C1orf54: variants seen among roughly 807,000 people sequenced by gnomAD.
C1orf54 encodes the protein uncharacterized protein C1orf54.
A neutral mutation model predicts 14.7 loss-of-function variants in C1orf54; 12 were observed. The observed-to-expected ratio is 0.82, with a 90% confidence interval of 0.52 to 1.32. The LOEUF (loss-of-function observed/expected upper bound fraction) is 1.32. Ranked by LOEUF, C1orf54 falls within the 40% of genes most tolerant of loss-of-function variation. C1orf54 has a pLI of 0.00. For synonymous variants in C1orf54, 65 were observed against 56.3 expected (o/e 1.16, Z -0.70); for missense variants, 163 against 162.2 (o/e 1.00, Z -0.03).
chr1:150,276,262 C>A (rs587772313), intron 3 of C1orf54, among the ~76,000 whole-genome samples: 20 of 152,210 alleles, frequency 1.3e-4, no homozygotes, highest in African/African-American at 4.8e-4. Context: ...GATTTGTTAA[C>A]CTATCTGGGG....
upstream of C1orf54, among the ~76,000 whole-genome samples, chr1:150,272,064 C>T (rs1016415167): frequency 3.9e-5 from 6 of 151,910 alleles, no homozygotes; most frequent in African/African-American, 9.7e-5. Context: ...CACTGGAACC[C>T]GGGAGGCAGA....
intron 1 of C1orf54, among the ~76,000 whole-genome samples, chr1:150,273,435 G>A (rs587593644): frequency 6.2e-4 from 94 of 152,294 alleles, no homozygotes; most frequent in Admixed American, 9.2e-4. Context: ...GAGTTGAAGG[G>A]AAAGCATTCA....
Position 150,272,804 on chromosome 1 carries a change from G to A in C1orf54, c.-14G>A, listed in dbSNP as rs782002149. 2.5e-6 allele frequency: 4 copies of A among 1,614,106 alleles called. No homozygotes were observed. In the East Asian group the frequency reaches 6.7e-5, roughly 27 times the overall value. On this transcript the variant is annotated 5_prime_UTR_variant, in exon 1 of 6. It adds an upstream start codon to the 5' untranslated region. Transcript: ENST00000369099. Reference sequence around the variant, plus strand: ...TTCCTTTTTTACTTTCACAGCAATAGTGCAGAATCCAGAATGGATGTCCTC... The same window carrying A: ...TTCCTTTTTTACTTTCACAGCAATAATGCAGAATCCAGAATGGATGTCCTC...
rs782417709 is a variant in C1orf54 at position 150,275,855 on chromosome 1, G to A, written c.189+56G>A. 396 of 1,499,708 alleles carry A rather than the reference G, an allele frequency of 2.6e-4. 2 individuals carry two copies. In the Middle Eastern group the frequency reaches 4.8e-3, roughly 18 times the overall value. The allele number at this position is 1,499,708 out of a possible 1,614,324, so 92.9% of individuals were successfully genotyped here. On this transcript the variant is annotated intron_variant, in intron 3 of 5. Transcript: ENST00000369099. The stretch of plus-strand genomic sequence containing the variant: ...GATAAGTAACAATTAAAAAGAAACT[G>A]GCCGGGCGCAGTGGCTCATGCCTAT...
chr1:150,280,766 T>TG, intron 5 of C1orf54, 69 bp from the exon 6 acceptor site: 9 of 1,230,490 alleles, frequency 7.3e-6, no homozygotes, highest in African/African-American at 1.5e-5. Flanking sequence ...CCATAGAGTG[T>TG]GGGGGGCATG....
intron 1 of C1orf54, 101 bp downstream of exon 1, chr1:150,272,964 G>C (rs1553851589): frequency 7.6e-7 from 1 of 1,309,748 alleles, no homozygotes; most frequent in African/African-American, 1.5e-5. Flanking sequence ...ATTTCAGTGG[G>C]GAGCGATAGA....
At chr1:150,270,711 G>A (rs1652137498), upstream of C1orf54, among the ~76,000 whole-genome samples, 1 of 151,454 alleles carries the variant, frequency 6.6e-6, no homozygotes, top group East Asian at 2.0e-4. Context: ...GAGACTAAGA[G>A]GGTAGCTGGG....
chr1:150,274,276 G>A (rs1652450517), intron 2 of C1orf54, 106 bp downstream of exon 2: 2 of 833,704 alleles, frequency 2.4e-6, no homozygotes, highest in Admixed American at 2.2e-5. Flanking sequence ...TGGGGTCAGA[G>A]AAAAATCTGG....
chr1:150,277,477 T>C (rs1652754034), intron 4 of C1orf54, among the ~76,000 whole-genome samples: 1 of 110,406 alleles, frequency 9.1e-6, no homozygotes, highest in Non-Finnish European at 1.7e-5. Context: ...TACTCCAGCC[T>C]GGGCGACAGA....
chr1:150,268,773 G>A, upstream of C1orf54: 1 of 1,613,794 alleles, frequency 6.2e-7, no homozygotes, highest in Non-Finnish European at 8.5e-7. Flanking sequence ...CGGGCCGAAC[G>A]CGACGAAAGT....
rs782328140 is a variant in C1orf54 at position 150,276,519 on chromosome 1, T to A, written c.190-3T>A. 12 of 1,609,634 alleles carry A rather than the reference T, an allele frequency of 7.5e-6. No homozygotes were observed. The highest frequency in any genetic ancestry group is 1.0e-5 in the Non-Finnish European group (12 of 1,176,090). On this transcript the variant is annotated splice_polypyrimidine_tract_variant and splice_region_variant and intron_variant, in intron 3 of 5. Transcript: ENST00000369099. The stretch of plus-strand genomic sequence containing the variant: ...TGTGTTTCCCAAATCCTACTGAGGG[T>A]AGAACAGGTTGGATAAGGACATAAC...
chr1:150,268,919 G>A, upstream of C1orf54: 6 of 912,740 alleles, frequency 6.6e-6, no homozygotes, highest in Non-Finnish European at 1.0e-5. Flanking sequence ...CACGAGGGGC[G>A]CGGTGCAATG....
rs1652596078 is a variant in C1orf54, at chr1:150,275,755, G to T, written c.145G>T (p.Asp49Tyr). ...VTPSYDDFSA[D>Y]FTIDYSIFES... ...CTCCTCTGCAGATGACTTTAGTGCAGATTTCACCATTGATTACTCCATATT... is the reference window on the plus strand; with the variant it reads ...CTCCTCTGCAGATGACTTTAGTGCATATTTCACCATTGATTACTCCATATT... The change falls in exon 3 of 6, where the codon GAT becomes TAT. Residue 49 changes from aspartate (D) to tyrosine (Y), a missense_variant. Transcript: ENST00000369099. 1 of 1,612,086 alleles carries T rather than the reference G, an allele frequency of 6.2e-7. No individual in the cohort carries two copies. The highest frequency in any genetic ancestry group is 1.1e-5 in the South Asian group (1 of 91,004).
chr1:150,271,517 T>C (rs782647352), upstream of C1orf54, among the ~76,000 whole-genome samples: 1 of 152,234 alleles, frequency 6.6e-6, no homozygotes, highest in Non-Finnish European at 1.5e-5. Flanking sequence ...GCCTGACTCA[T>C]AGTAGATGTT....
At chr1:150,278,944 A>G (rs927395623) in intron 4 of C1orf54, among the ~76,000 whole-genome samples, 2 of 152,256 alleles carry the variant, frequency 1.3e-5, no homozygotes, top group Non-Finnish European at 2.9e-5. Flanking sequence ...AATGGAAGTG[A>G]AAGATTGACA....
chr1:150,280,367 C>T (rs1391061894), intron 5 of C1orf54, among the ~76,000 whole-genome samples: 1 of 152,220 alleles, frequency 6.6e-6, no homozygotes, highest in Admixed American at 6.5e-5. Context: ...TCAGGATCTC[C>T]TAGAGCAGAT....
chr1:150,278,557 G>T (rs1652852276), intron 4 of C1orf54, among the ~76,000 whole-genome samples: 1 of 152,332 alleles, frequency 6.6e-6, no homozygotes, highest in African/African-American at 2.4e-5. Flanking sequence ...GCCAGTGACT[G>T]TGCCTGTAGT....
chr1:150,276,835 C>G (rs1253997757), intron 4 of C1orf54, among the ~76,000 whole-genome samples: 2 of 152,144 alleles, frequency 1.3e-5, no homozygotes, highest in Non-Finnish European at 2.9e-5. Context: ...AGATATGGTA[C>G]AGTTAAATTT....
chr1:150,268,833 GT>G (rs1560036083), upstream of C1orf54: 7 of 1,597,488 alleles, frequency 4.4e-6, no homozygotes, highest in Admixed American at 1.0e-4. Flanking sequence ...GGGAAGGGGG[GT>G]GGGGGCCTGA....
Sources: allele counts gnomAD v4.1 joint callset (sites outside exome capture counted in the v4.1 genomes callset), GRCh38; gene constraint gnomAD v4.1.1; transcripts MANE v1.5; gene names NCBI Gene and HGNC (gene_info 2026-07-23, HGNC 2026-07-21).